DNAJC3: variants seen among roughly 807,000 people sequenced by gnomAD.
DNAJC3 encodes dnaJ homolog subfamily C member 3.
DNAJC3 carries 38 observed loss-of-function variants against 68.6 expected under a neutral mutation model. The ratio of observed to expected loss-of-function variants is 0.55; its 90% CI spans 0.43 to 0.73. The LOEUF (loss-of-function observed/expected upper bound fraction) is 0.73. Ranked by LOEUF, DNAJC3 falls within the 30% of genes least tolerant of loss-of-function variation. The pLI is 0.00. For synonymous variants in DNAJC3, 203 were observed against 204.0 expected (o/e 1.00, Z 0.04); for missense variants, 526 against 591.9 (o/e 0.89, Z 1.16).
intron 4 of DNAJC3, among the ~76,000 whole-genome samples, chr13:95,729,182 T>C (rs1175362978): frequency 2.1e-5 from 1 of 48,268 alleles, no homozygotes; most frequent in African/African-American, 6.0e-5. Context: ...ATTCACTCAT[T>C]CTCTCTCTCT....
intron 2 of DNAJC3, among the ~76,000 whole-genome samples, chr13:95,710,980 G>A (rs1341013950): frequency 6.6e-6 from 1 of 152,100 alleles, no homozygotes; most frequent in South Asian, 2.1e-4. Context: ...GTGAGCTACC[G>A]TGCCCAGCTG....
At chr13:95,720,072 C>G (rs1881274742) in intron 2 of DNAJC3, among the ~76,000 whole-genome samples, 1 of 151,790 alleles carries the variant, frequency 6.6e-6, no homozygotes, top group Non-Finnish European at 1.5e-5. Flanking sequence ...CCCATGGATA[C>G]AGAGGGCCAA....
chr13:95,693,100 G>A (rs867674172), intron 1 of DNAJC3: 34 of 151,198 alleles, frequency 2.2e-4, no homozygotes, highest in Admixed American at 7.9e-4. Flanking sequence ...GATTACAGGC[G>A]TGAGCCACTG....
At chr13:95,723,705 GT>G (rs1439535088) in intron 3 of DNAJC3, among the ~76,000 whole-genome samples, 1 of 152,208 alleles carries the variant, frequency 6.6e-6, no homozygotes, top group Non-Finnish European at 1.5e-5. Context: ...ATGCTATCAG[GT>G]GACTGGCAGC....
At position 95,677,353 on chromosome 13, in the gene DNAJC3, C is replaced by CCCCGGCCAGGAAGTGGGCTCCCGGA. The variant is rs1566461565; in HGVS notation, c.82+19_82+43dup. The CCCCGGCCAGGAAGTGGGCTCCCGGA allele has an allele frequency of 3.8e-6, 6 of 1,575,446 alleles. No homozygotes were observed. The Admixed American group carries it at 7.1e-5, about 19-fold the overall frequency. On this transcript the variant is annotated intron_variant, in intron 1 of 11. Coordinates refer to ENST00000602402, the MANE Select transcript of DNAJC3 (RefSeq NM_006260.5). The stretch of plus-strand genomic sequence containing the variant: ...CAGTACGAAGGTGAGTCCTGCCCTG[C>CCCCGGCCAGGAAGTGGGCTCCCGGA]CCCGGCCAGGAAGTGGGCTCCCGGA...
At chr13:95,689,224 T>C (rs1260089347) in intron 1 of DNAJC3, among the ~76,000 whole-genome samples, 1 of 151,330 alleles carries the variant, frequency 6.6e-6, no homozygotes, top group Non-Finnish European at 1.5e-5. Flanking sequence ...AAATCTGTCC[T>C]GGGCTTTTTT....
intron 9 of DNAJC3, among the ~76,000 whole-genome samples, chr13:95,777,200 A>G (rs1883316239): frequency 1.3e-5 from 2 of 152,058 alleles, no homozygotes; most frequent in Non-Finnish European, 2.9e-5. Context: ...CCCCTGTGCC[A>G]TGTATCTCGT....
chr13:95,712,304 C>A (rs900211937), intron 2 of DNAJC3, among the ~76,000 whole-genome samples: 14 of 151,772 alleles, frequency 9.2e-5, no homozygotes, highest in African/African-American at 2.9e-4. Flanking sequence ...AGATTGAGAA[C>A]GAGACAAGGA....
intron 1 of DNAJC3, among the ~76,000 whole-genome samples, chr13:95,689,690 G>A (rs1228389324): frequency 1.3e-5 from 2 of 151,808 alleles, no homozygotes; most frequent in Non-Finnish European, 2.9e-5. Context: ...GTGGTGTGTG[G>A]TTGTTCATTT....
chr13:95,753,526 CATTA>C (rs1882552634), intron 4 of DNAJC3, among the ~76,000 whole-genome samples: 1 of 152,092 alleles, frequency 6.6e-6, no homozygotes, highest in South Asian at 2.1e-4. Flanking sequence ...TATCCCAAAA[CATTA>C]ATTAAATAGA....
rs1289845712 is a variant in DNAJC3, at chr13:95,785,947, G to A, written c.1084G>A (p.Asp362Asn). The change falls in exon 10 of 12, where the codon GAT (aspartate) becomes AAT (asparagine). Residue 362 changes from aspartate (D) to asparagine (N), a missense_variant. Asp to Asn is a conservative substitution (Grantham distance 23). Transcript: ENST00000602402. ...IEEMYDEAIQDYETAQEHNEN... is the reference protein window; with the variant it reads ...IEEMYDEAIQNYETAQEHNEN... ...TAAACATATTTTGACAGCTATTCAG[G>A]ATTATGAAACTGCTCAGGAACACAA... 1.3e-6 allele frequency: 2 copies of A among 1,594,446 alleles called. No homozygotes were observed. The highest frequency in any genetic ancestry group is 1.2e-5 in the South Asian group (1 of 86,160).
chr13:95,683,011 G>A (rs1879964940), intron 1 of DNAJC3, among the ~76,000 whole-genome samples: 1 of 152,302 alleles, frequency 6.6e-6, no homozygotes, highest in South Asian at 2.1e-4. Flanking sequence ...AAGTTTTGTG[G>A]AGTTGGGACT....
chr13:95,722,630 TAGCC>T (rs1466016902), intron 2 of DNAJC3, among the ~76,000 whole-genome samples: 1 of 150,198 alleles, frequency 6.7e-6, no homozygotes, highest in Non-Finnish European at 1.5e-5. Context: ...AAAAAAAAAT[TAGCC>T]AGCCGTGGTG....
chr13:95,778,519 A>T (rs1455745360), intron 9 of DNAJC3, among the ~76,000 whole-genome samples: 1 of 152,242 alleles, frequency 6.6e-6, no homozygotes, highest in Non-Finnish European at 1.5e-5. Flanking sequence ...AAAAAGCAGG[A>T]GGTTTTCTAA....
intron 1 of DNAJC3, among the ~76,000 whole-genome samples, chr13:95,683,205 C>CT (rs930417265): frequency 4.2e-4 from 64 of 151,586 alleles, no homozygotes; most frequent in African/African-American, 1.4e-3. Context: ...AGGGCAGAAT[C>CT]TTTTTTTTTG....
intron 4 of DNAJC3, among the ~76,000 whole-genome samples, chr13:95,748,410 A>G (rs191382914): frequency 6.6e-6 from 1 of 152,200 alleles, no homozygotes; most frequent in South Asian, 2.1e-4. Flanking sequence ...ATTCAAACTA[A>G]CATAATTATA....
intron 11 of DNAJC3, among the ~76,000 whole-genome samples, chr13:95,789,175 G>A (rs1387913757): frequency 6.6e-6 from 1 of 151,106 alleles, no homozygotes; most frequent in Non-Finnish European, 1.5e-5. Context: ...TTTTTTGTAA[G>A]TTCAGGGGTA....
chr13:95,705,824 C>G (rs1041734356), intron 1 of DNAJC3, among the ~76,000 whole-genome samples: 1 of 152,166 alleles, frequency 6.6e-6, no homozygotes, highest in Non-Finnish European at 1.5e-5. Context: ...CAGACTTGAG[C>G]TACTGTGCCT....
At chr13:95,783,684 G>T (rs775687912) in intron 9 of DNAJC3, among the ~76,000 whole-genome samples, 2 of 152,194 alleles carry the variant, frequency 1.3e-5, no homozygotes, top group Non-Finnish European at 2.9e-5. Flanking sequence ...AGGGCCAAAG[G>T]TGGTGGTGGT....
Sources: gnomAD v4.1 joint callset for allele counts (sites outside exome capture counted in the v4.1 genomes callset) on GRCh38, gnomAD v4.1.1 for gene constraint, MANE v1.5 for transcripts, NCBI Gene and HGNC (gene_info 2026-07-23, HGNC 2026-07-21) for gene names.